FRMPD4: variants seen among roughly 807,000 people sequenced by gnomAD.
The protein encoded by FRMPD4 is FERM and PDZ domain-containing protein 4.
Under a neutral mutation model 94.1 loss-of-function variants are expected in FRMPD4, and 22 were observed. That is an observed-to-expected ratio of 0.23 (90% CI 0.17 to 0.33). FRMPD4 has a LOEUF of 0.33. Among genes scored for constraint, FRMPD4 ranks in the 10% least tolerant of loss-of-function variants. FRMPD4 has a pLI of 1.00. For missense variants in FRMPD4, 1,111 were observed against 1,339.9 expected, an observed-to-expected ratio of 0.83 and a Z score of 2.67; for synonymous variants, 631 against 548.6, an observed-to-expected ratio of 1.15 and a Z score of -2.10.
Position 12,376,588 on chromosome X carries a change from C to T in FRMPD4, c.42-122092C>T, listed in dbSNP as rs1260865640. Among the ~76,000 whole-genome samples the T allele has an allele frequency of 5.3e-5, 6 of 112,762 alleles. No homozygotes were observed. In the East Asian group the frequency reaches 1.4e-3, roughly 26 times the overall value. ...GACTCCTACGATGAGATTTACATAA[C>T]TTGATATTTATTTCCACACTATCAA... On this transcript the variant is annotated intron_variant, in intron 1 of 16. Transcript: ENST00000675598.
At position 11,827,083 on chromosome X, in the gene FRMPD4, TATAA is replaced by T. The variant is rs1207122721; in HGVS notation, c.-161+4370_-161+4373del. On this transcript the variant is annotated intron_variant, in intron 1 of 18. Coordinates refer to the FRMPD4 transcript ENST00000640291. ...GAAATTATATATATATATATATATATATAAAATATATATGTTCTGTATATAACAT... is the reference window on the plus strand; with the variant it reads ...GAAATTATATATATATATATATATATAATATATATGTTCTGTATATAACAT... 5.9e-3 allele frequency among the ~76,000 whole-genome samples: 582 copies of T among 99,410 alleles called. 9 individuals are homozygous for T. The highest frequency in any genetic ancestry group is 0.021 in the African/African-American group (560 of 26,454). 86.3% of individuals were successfully genotyped at this position (99,410 alleles called of 115,157 possible).
intron 1 of FRMPD4, among the ~76,000 whole-genome samples, chrX:12,281,983 G>C (rs2054532912): frequency 9.0e-6 from 1 of 111,483 alleles, no homozygotes; most frequent in African/African-American, 3.3e-5. Context: ...TGCAAATTCT[G>C]AAGTTTGATT....
At chrX:12,232,660 G>A (rs1222573701) in intron 1 of FRMPD4, among the ~76,000 whole-genome samples, 1 of 111,681 alleles carries the variant, frequency 9.0e-6, no homozygotes, top group East Asian at 2.8e-4. Flanking sequence ...GGAGTAGGGA[G>A]GGGTCAATTT....
chrX:11,875,376 A>T (rs1271848636), intron 2 of FRMPD4, among the ~76,000 whole-genome samples: 1 of 112,158 alleles, frequency 8.9e-6, no homozygotes, highest in Admixed American at 9.4e-5. Flanking sequence ...TGCTCTCAAC[A>T]TTAGTAAGAA....
At chrX:12,707,712 G>C (rs1427150251) in intron 13 of FRMPD4, 61 bp downstream of exon 13, 11 of 920,224 alleles carry the variant, frequency 1.2e-5, no homozygotes, top group Non-Finnish European at 1.7e-5. Flanking sequence ...TGATAACACT[G>C]CAGATGTTTA....
chrX:12,535,428 T>C (rs960361557), intron 2 of FRMPD4, among the ~76,000 whole-genome samples: 37 of 111,941 alleles, frequency 3.3e-4, no homozygotes, highest in Non-Finnish European at 6.2e-4. Context: ...ATCTTTTTGT[T>C]TGTAGACTAG....
intron 1 of FRMPD4, among the ~76,000 whole-genome samples, chrX:12,382,530 GAGCATAGCATAGCATAGCAT>G (rs59601417): frequency 2.2e-5 from 1 of 45,616 alleles, no homozygotes; most frequent in African/African-American, 1.2e-4. Context: ...GCATAGCATA[GAGCATAGCATAGCATAGCAT>G]AGCATAGCAT....
At chrX:12,371,150 C>T (rs1439975946) in intron 1 of FRMPD4, among the ~76,000 whole-genome samples, 2 of 112,672 alleles carry the variant, frequency 1.8e-5, no homozygotes, top group East Asian at 5.5e-4. Context: ...TATATCACCC[C>T]CTTCTCTATT....
chrX:11,972,514 C>T (rs916828556), intron 3 of FRMPD4, among the ~76,000 whole-genome samples: 1 of 111,896 alleles, frequency 8.9e-6, no homozygotes. Context: ...GGGAAAAGAA[C>T]AAAAGAAATA....
At chrX:12,597,418 T>C (rs770952248) in intron 2 of FRMPD4, among the ~76,000 whole-genome samples, 1 of 112,361 alleles carries the variant, frequency 8.9e-6, no homozygotes, top group African/African-American at 3.2e-5. Context: ...ACTGAGTCCT[T>C]GAAGGATAAA....
intron 3 of FRMPD4, among the ~76,000 whole-genome samples, chrX:12,116,480 C>T (rs2055409802): frequency 8.9e-6 from 1 of 112,163 alleles, no homozygotes; most frequent in Non-Finnish European, 1.9e-5. Flanking sequence ...TTTTACCTTT[C>T]CCCCCAGATA....
chrX:12,720,516 C>T lies in FRMPD4; in HGVS notation c.3965-18C>T. 1 of 1,204,427 alleles carries T rather than the reference C, an allele frequency of 8.3e-7. No individual in the cohort carries two copies. The highest frequency in any genetic ancestry group is 1.1e-6 in the Non-Finnish European group (1 of 890,184). On this transcript the variant is annotated intron_variant, in intron 16 of 16. Coordinates refer to ENST00000675598, the MANE Select transcript of FRMPD4 (RefSeq NM_001368397.1). ...ATGCTTAATGATTCTCTCTGTTTTTCTACTACCCCTAGTGTAGCTTTGACA... is the reference window on the plus strand; with the variant it reads ...ATGCTTAATGATTCTCTCTGTTTTTTTACTACCCCTAGTGTAGCTTTGACA...
rs2042096350 is a variant in FRMPD4 at position 12,716,834 on chromosome X, A to C, written c.2375A>C (p.Asp792Ala). 8.3e-7 allele frequency: 1 copy of C among 1,210,333 alleles called. No individual in the cohort carries two copies. Residue 792 changes from aspartate (D) to alanine (A), a missense_variant, in exon 15 of 17, where the codon GAT becomes GCT. By Grantham distance (126) the Asp-to-Ala change is moderately radical (BLOSUM62 -2). Coordinates refer to ENST00000675598, the MANE Select transcript of FRMPD4 (RefSeq NM_001368397.1). ...DLTSLPPPEG[D>A]DNEDDFLLRS... Reference sequence around the variant, plus strand: ...ACATCCCTGCCCCCTCCAGAAGGTGATGACAATGAGGATGACTTCCTGTTG... The same window carrying C: ...ACATCCCTGCCCCCTCCAGAAGGTGCTGACAATGAGGATGACTTCCTGTTG...
intron 1 of FRMPD4, among the ~76,000 whole-genome samples, chrX:12,299,065 C>G (rs913286128): frequency 1.8e-5 from 2 of 112,146 alleles, no homozygotes; most frequent in African/African-American, 6.5e-5. Flanking sequence ...TCAGTACAGT[C>G]TTGCTTTTAC....
At chrX:12,038,633 C>T (rs1407249056) in intron 3 of FRMPD4, among the ~76,000 whole-genome samples, 3 of 111,661 alleles carry the variant, frequency 2.7e-5, no homozygotes, top group Middle Eastern at 4.2e-3. Context: ...CTATGTTCTC[C>T]CCTAGAAGAT....
At chrX:12,694,640 C>A (rs1455430920) in intron 9 of FRMPD4, among the ~76,000 whole-genome samples, 186 bp downstream of exon 9, 3 of 112,040 alleles carry the variant, frequency 2.7e-5, no homozygotes, top group Non-Finnish European at 5.6e-5. Context: ...CATCATACTT[C>A]CAAAAAAGTT....
chrX:12,357,951 C>T (rs1262599223), intron 1 of FRMPD4, among the ~76,000 whole-genome samples: 1 of 111,998 alleles, frequency 8.9e-6, no homozygotes, highest in Non-Finnish European at 1.9e-5. Context: ...TATAGATGTA[C>T]CTCTCTGAAC....
intron 1 of FRMPD4, among the ~76,000 whole-genome samples, chrX:12,453,036 C>T (rs964794072): frequency 8.9e-6 from 1 of 112,162 alleles, no homozygotes; most frequent in Non-Finnish European, 1.9e-5. Flanking sequence ...ACTCTCATTA[C>T]TCAAAAATAA....
intron 1 of FRMPD4, among the ~76,000 whole-genome samples, chrX:12,175,694 A>G: frequency 9.0e-6 from 1 of 111,594 alleles, no homozygotes; most frequent in South Asian, 3.8e-4. Flanking sequence ...TTGTATTTTT[A>G]GTAAAGACGG....
Sources: gnomAD v4.1 joint callset for allele counts (sites outside exome capture counted in the v4.1 genomes callset) on GRCh38, gnomAD v4.1.1 for gene constraint, MANE v1.5 for transcripts, NCBI Gene and HGNC (gene_info 2026-07-23, HGNC 2026-07-21) for gene names.